Variants in ADGRA3 observed in about 807,000 individuals in gnomAD.
ADGRA3 encodes adhesion G protein-coupled receptor A3.
A neutral mutation model predicts 119.8 loss-of-function variants in ADGRA3; 56 were observed. The ratio of observed to expected loss-of-function variants is 0.47; its 90% CI spans 0.38 to 0.58. ADGRA3 has a LOEUF of 0.58. Ranked by LOEUF, ADGRA3 falls within the 20% of genes least tolerant of loss-of-function variation. ADGRA3 has a pLI of 0.00. For missense variants in ADGRA3, 1,516 were observed against 1,649.0 expected (o/e 0.92, Z 1.40); for synonymous variants, 607 against 623.8 (o/e 0.97, Z 0.40).
In ADGRA3 at chr4:22,401,423, T is replaced by C. The variant is rs1336210466; in HGVS notation, c.2481+8A>G. ...TTTTTTCCATTTCGGTTTTTCACTC[T>C]GACTTACTGCTTGGCAGATGCTGGC... is the stretch of plus-strand genomic sequence containing the variant. On this transcript the variant is annotated splice_region_variant and intron_variant, in intron 16 of 18. Coordinates refer to ENST00000334304, the MANE Select transcript of ADGRA3 (RefSeq NM_145290.4). 1 of 1,584,564 alleles carries C rather than the reference T, an allele frequency of 6.3e-7. No individual in the cohort carries two copies. Among genetic ancestry groups the C allele is most frequent in the South Asian group, 1.2e-5 (1 of 83,692 alleles).
chr4:22,514,676 A>T (rs1034882855), intron 1 of ADGRA3: 1 of 152,142 alleles, frequency 6.6e-6, no homozygotes, highest in Non-Finnish European at 1.5e-5. Flanking sequence ...TAGACTCAAA[A>T]CTTTCCAAAC....
At chr4:22,405,108 G>A (rs936871624) in intron 14 of ADGRA3, among the ~76,000 whole-genome samples, 1 of 152,150 alleles carries the variant, frequency 6.6e-6, no homozygotes, top group Non-Finnish European at 1.5e-5. Flanking sequence ...GTAGAAGAAA[G>A]GTGGTAAAAG....
chr4:22,492,646 CA>C (rs1475972206), intron 1 of ADGRA3, among the ~76,000 whole-genome samples: 1 of 152,154 alleles, frequency 6.6e-6, no homozygotes, highest in African/African-American at 2.4e-5. Flanking sequence ...ACATAAGAAA[CA>C]GTGGAGGTGT....
rs780238010 is a variant in ADGRA3, at chr4:22,421,131, C to T, written c.1606-42G>A. ...AACAGGAGTTATGAACGATTTATAG[C>T]ACAAAGGAAAAGCACTTTCAAAGAC... On this transcript the variant is annotated intron_variant, in intron 11 of 18. Coordinates refer to ENST00000334304, the MANE Select transcript of ADGRA3 (RefSeq NM_145290.4). 1.3e-6 allele frequency: 2 copies of T among 1,542,428 alleles called. 1 individual carries two copies. Among genetic ancestry groups the T allele is most frequent in the South Asian group, 2.3e-5 (2 of 87,822 alleles).
chr4:22,416,097 G>T (rs1577334318), intron 12 of ADGRA3, among the ~76,000 whole-genome samples: 1 of 152,242 alleles, frequency 6.6e-6, no homozygotes, highest in Admixed American at 6.5e-5. Context: ...TTCTTTAAAA[G>T]AAATGTTGAT....
Position 22,389,177 on chromosome 4 carries a change from G to A in ADGRA3, c.2634C>T (p.Tyr878=). ...PPPPRPMLRF[Y]LIGGGIPIIV... The stretch of plus-strand genomic sequence containing the variant: ...TGATGGGGATACCACCACCAATCAG[G>A]TAAAATCTAGAAGGAGGAATCACAG... The change falls in exon 18 of 19, where the codon TAC becomes TAT. Residue 878 remains tyrosine (Y), a synonymous_variant. Transcript: ENST00000334304. The A allele has an allele frequency of 3.1e-6, 5 of 1,609,524 alleles. No individual in the cohort carries two copies. The highest frequency in any genetic ancestry group is 4.3e-6 in the Non-Finnish European group (5 of 1,176,040).
chr4:22,442,137 T>A (rs905728555), intron 7 of ADGRA3, among the ~76,000 whole-genome samples: 5 of 152,174 alleles, frequency 3.3e-5, no homozygotes, highest in African/African-American at 1.2e-4. Flanking sequence ...TAATATCATA[T>A]ATATTCTTAG....
At chr4:22,482,611 G>T (rs965909347) in intron 1 of ADGRA3, among the ~76,000 whole-genome samples, 4 of 152,106 alleles carry the variant, frequency 2.6e-5, no homozygotes, top group African/African-American at 9.7e-5. Context: ...GCTGCAGTGA[G>T]CTATGATAGT....
chr4:22,442,637 A>T lies in ADGRA3; in HGVS notation c.920+13T>A, dbSNP rs761757892. On this transcript the variant is annotated intron_variant, in intron 7 of 18. Transcript: ENST00000334304. ...GGCACAATTCTTCATTCAAAAAAAA[A>T]AAAAAAGTTTACCTTGCAATCAAGG... The T allele has an allele frequency of 4.2e-4, 664 of 1,597,758 alleles. 4 individuals are homozygous for T. Among genetic ancestry groups the T allele is most frequent in the East Asian group, 8.5e-4 (38 of 44,770 alleles).
intron 6 of ADGRA3, among the ~76,000 whole-genome samples, chr4:22,444,653 T>C (rs544637307): frequency 1.5e-4 from 23 of 152,252 alleles, no homozygotes; most frequent in Non-Finnish European, 1.5e-5. Context: ...GTGGGCATCC[T>C]GAGATTGTGT....
chr4:22,459,194 A>G lies in ADGRA3; in HGVS notation c.401+2543T>C, dbSNP rs1009658521. Among the ~76,000 whole-genome samples, 7 of 152,342 alleles carry G rather than the reference A, an allele frequency of 4.6e-5. No homozygotes were observed. In the South Asian group the frequency reaches 1.0e-3, roughly 23 times the overall value. On this transcript the variant is annotated intron_variant, in intron 3 of 18. Transcript: ENST00000334304. Reference sequence around the variant, plus strand: ...AAAAAGAGCATGACCAATTTTTACAATTGGATTTTACAATAAAAAGGAATA... The same window carrying G: ...AAAAAGAGCATGACCAATTTTTACAGTTGGATTTTACAATAAAAAGGAATA...
At chr4:22,508,910 A>G (rs1469182280) in intron 1 of ADGRA3, among the ~76,000 whole-genome samples, 1 of 152,002 alleles carries the variant, frequency 6.6e-6, no homozygotes, top group Non-Finnish European at 1.5e-5. Flanking sequence ...CTGCCTAGAT[A>G]TCTTTGAGAA....
At chr4:22,404,402 T>C (rs1714804581) in intron 14 of ADGRA3, among the ~76,000 whole-genome samples, 2 of 152,144 alleles carry the variant, frequency 1.3e-5, no homozygotes, top group East Asian at 1.9e-4. Flanking sequence ...TCAGGATGCC[T>C]AACAAACTCC....
intron 17 of ADGRA3, among the ~76,000 whole-genome samples, chr4:22,391,599 T>G (rs117421904): frequency 0.01 from 1,554 of 149,878 alleles, 55 homozygotes; most frequent in East Asian, 0.067. Context: ...AATTCTGATT[T>G]ATACTCCATA....
At chr4:22,432,088 C>A (rs1280710580) in intron 10 of ADGRA3, among the ~76,000 whole-genome samples, 2 of 152,036 alleles carry the variant, frequency 1.3e-5, no homozygotes, top group Non-Finnish European at 2.9e-5. Context: ...ATTCTCCTAT[C>A]CTTTTGAATT....
rs145744805 is a variant in ADGRA3, at chr4:22,411,105, C to T, written c.2232+2077G>A. On this transcript the variant is annotated intron_variant, in intron 14 of 18. Coordinates refer to ENST00000334304, the MANE Select transcript of ADGRA3 (RefSeq NM_145290.4). ...AAAAGTTTCACATGGTGCAATATCA[C>T]AGCGAAGGCTTATAAAATGCATTTT... Among the ~76,000 whole-genome samples, 12 of 152,358 alleles carry T rather than the reference C, an allele frequency of 7.9e-5. No homozygotes were observed. The East Asian group carries it at 2.1e-3, about 27-fold the overall frequency.
chr4:22,447,289 T>A (rs16872656), intron 5 of ADGRA3, 151 bp downstream of exon 5: 38,687 of 569,262 alleles, frequency 0.068, 2,367 homozygotes, highest in East Asian at 0.24. Context: ...GGTTACTGTA[T>A]GTTTTTCAAT....
chr4:22,413,133 A>G (rs1414156213), intron 14 of ADGRA3, 49 bp downstream of exon 14: 2 of 1,399,744 alleles, frequency 1.4e-6, no homozygotes, highest in Non-Finnish European at 1.0e-6. Context: ...AATTATGCAT[A>G]GCAAAAATGT....
At chr4:22,464,775 G>A (rs763415204) in intron 2 of ADGRA3, among the ~76,000 whole-genome samples, 1 of 152,224 alleles carries the variant, frequency 6.6e-6, no homozygotes, top group Non-Finnish European at 1.5e-5. Context: ...GGGCTGGGGG[G>A]TCTGAGTGTG....
Sources: allele counts gnomAD v4.1 joint callset (sites outside exome capture counted in the v4.1 genomes callset), GRCh38; gene constraint gnomAD v4.1.1; transcripts MANE v1.5; gene names NCBI Gene and HGNC (gene_info 2026-07-23, HGNC 2026-07-21).